The following IL20RB variants were observed in gnomAD, a reference collection of about 807,000 sequenced individuals.
IL20RB encodes interleukin 20 receptor subunit beta.
In IL20RB, 21 loss-of-function variants were observed where a neutral mutation model predicts 33.3. The observed-to-expected ratio is 0.63, with a 90% CI of 0.45 to 0.91. IL20RB has a LOEUF of 0.91. Among genes scored for constraint, IL20RB ranks in the 40% least tolerant of loss-of-function variants. The pLI is 0.00. For missense variants in IL20RB, 345 were observed against 384.8 expected (o/e 0.90, Z 0.86); for synonymous variants, 147 against 146.8 (o/e 1.00, Z -0.01).
intron 6 of IL20RB, among the ~76,000 whole-genome samples, chr3:136,998,889 C>T (rs1942186780): frequency 6.6e-6 from 1 of 151,970 alleles, no homozygotes; most frequent in Non-Finnish European, 1.5e-5. Context: ...AGAAAACATC[C>T]ATGATTTTTT....
chr3:136,980,685 A>G (rs1941749438), intron 2 of IL20RB, 93 bp downstream of exon 2: 2 of 1,326,842 alleles, frequency 1.5e-6, no homozygotes, highest in Non-Finnish European at 2.2e-6. Context: ...TGGCTTTTTG[A>G]GTCCAGGGAT....
intron 3 of IL20RB, among the ~76,000 whole-genome samples, chr3:136,988,022 G>A (rs922799187): frequency 3.3e-5 from 5 of 152,228 alleles, no homozygotes; most frequent in Non-Finnish European, 7.3e-5. Flanking sequence ...GGCCAGCCCA[G>A]AAAGGGGCTC....
At chr3:136,969,978 C>T (rs565350766) in intron 1 of IL20RB, among the ~76,000 whole-genome samples, 1 of 152,112 alleles carries the variant, frequency 6.6e-6, no homozygotes, top group Admixed American at 6.5e-5. Context: ...TTATATTTTA[C>T]ATTTTTTTGC....
intron 1 of IL20RB, among the ~76,000 whole-genome samples, chr3:136,958,951 C>CTGTG (rs62670460): frequency 4.6e-5 from 7 of 150,916 alleles, no homozygotes; most frequent in Non-Finnish European, 7.4e-5. Flanking sequence ...GTCTCACTCT[C>CTGTG]TGTGTGTGTG....
chr3:136,991,674 T>C (rs1240151960), intron 4 of IL20RB, among the ~76,000 whole-genome samples: 1 of 152,172 alleles, frequency 6.6e-6, no homozygotes, highest in Non-Finnish European at 1.5e-5. Context: ...AGTGGCACGA[T>C]CTCGGATCAC....
intron 2 of IL20RB, 143 bp downstream of exon 2, chr3:136,980,735 C>T (rs1941751445): frequency 2.6e-6 from 2 of 774,394 alleles, no homozygotes; most frequent in Admixed American, 2.7e-5. Flanking sequence ...TCTGCATAGG[C>T]ATTGAAAGAG....
At chr3:136,991,439 G>A (rs991471298) in intron 4 of IL20RB, among the ~76,000 whole-genome samples, 15 of 152,158 alleles carry the variant, frequency 9.9e-5, no homozygotes, top group Admixed American at 3.9e-4. Context: ...GCAGTGCCTA[G>A]CACATAGTAG....
chr3:136,998,581 CTT>C (rs1306662622), intron 6 of IL20RB, among the ~76,000 whole-genome samples: 3 of 151,286 alleles, frequency 2.0e-5, no homozygotes, highest in Non-Finnish European at 2.9e-5. Context: ...CTGAAAATGT[CTT>C]TATTTTGCTT....
chr3:136,986,147 A>G (rs998881182), intron 3 of IL20RB, among the ~76,000 whole-genome samples: 5 of 152,074 alleles, frequency 3.3e-5, no homozygotes, highest in Non-Finnish European at 5.9e-5. Flanking sequence ...TGGGAGGCGG[A>G]GCTTGCAGTG....
intron 3 of IL20RB, among the ~76,000 whole-genome samples, chr3:136,983,048 A>G (rs1181238059): frequency 6.6e-6 from 1 of 151,830 alleles, no homozygotes; most frequent in Admixed American, 6.6e-5. Flanking sequence ...CCAAGTCAGT[A>G]GAGGGTAGCC....
intron 1 of IL20RB, among the ~76,000 whole-genome samples, chr3:136,960,349 T>C (rs980430805): frequency 6.6e-6 from 1 of 152,034 alleles, no homozygotes; most frequent in African/African-American, 2.4e-5. Context: ...GGTTTCACCA[T>C]GTTGCCCAGG....
chr3:136,963,107 T>A (rs1941268811), intron 1 of IL20RB, among the ~76,000 whole-genome samples: 1 of 152,236 alleles, frequency 6.6e-6, no homozygotes, highest in Non-Finnish European at 1.5e-5. Flanking sequence ...ATCACTGGGC[T>A]AACATCAAGG....
intron 1 of IL20RB, chr3:136,958,981 T>A (rs1941122765): frequency 6.6e-6 from 1 of 152,000 alleles, no homozygotes. Context: ...TACACAGAAC[T>A]AATTTAATTA....
Position 136,991,970 on chromosome 3 carries a change from T to C in IL20RB, c.564T>C (p.Ile188=). ...TCAAAATGGTGAGGAGTGGGGGTATTCCAGTGCACCTAGAAACCATGGAGC... is the reference window on the plus strand; with the variant it reads ...TCAAAATGGTGAGGAGTGGGGGTATCCCAGTGCACCTAGAAACCATGGAGC... ...EHVKMVRSGG[I]PVHLETMEPG... Residue 188 remains isoleucine (I), a synonymous_variant, in exon 5 of 7, where the codon ATT becomes ATC. Transcript: ENST00000329582. The C allele has an allele frequency of 1.9e-6, 3 of 1,614,188 alleles. No individual in the cohort carries two copies. The East Asian group carries it at 6.7e-5, about 36-fold the overall frequency.
intron 1 of IL20RB, among the ~76,000 whole-genome samples, chr3:136,970,378 A>T (rs1206850651): frequency 6.6e-6 from 1 of 151,750 alleles, no homozygotes; most frequent in African/African-American, 2.4e-5. Context: ...TACAGGTGTG[A>T]GTTGCCATGC....
chr3:137,007,441 C>T (rs563514717), intron 6 of IL20RB, among the ~76,000 whole-genome samples: 6 of 152,260 alleles, frequency 3.9e-5, no homozygotes, highest in Non-Finnish European at 7.4e-5. Flanking sequence ...TGGTGGGCTC[C>T]GCCAAGTTCG....
In IL20RB at chr3:137,010,954, T is replaced by C. The variant is rs1408103938; in HGVS notation, c.*731T>C. On this transcript the variant is annotated 3_prime_UTR_variant, in exon 7 of 7. Transcript: ENST00000329582. ...TGCACACTGCAGACAGCAGGTGAAATGTATGTGTGCAATGCGACGAGAATG... is the reference window on the plus strand; with the variant it reads ...TGCACACTGCAGACAGCAGGTGAAACGTATGTGTGCAATGCGACGAGAATG... 6.6e-6 allele frequency: 1 copy of C among 152,106 alleles called. No homozygotes were observed. Among genetic ancestry groups the C allele is most frequent in the East Asian group, 1.9e-4 (1 of 5,184 alleles). 9.4% of individuals were successfully genotyped at this position (152,106 alleles called of 1,614,324 possible). A position where few individuals can be genotyped will look rare whatever the true frequency, so the allele number is the denominator to read the frequency against.
At chr3:136,992,768 T>A (rs1024454805) in intron 5 of IL20RB, among the ~76,000 whole-genome samples, 1 of 152,032 alleles carries the variant, frequency 6.6e-6, no homozygotes, top group Non-Finnish European at 1.5e-5. Flanking sequence ...TCTAAAAAAA[T>A]TTATTTTGTT....
At chr3:136,979,517 C>G (rs1941715616) in intron 1 of IL20RB, among the ~76,000 whole-genome samples, 1 of 152,174 alleles carries the variant, frequency 6.6e-6, no homozygotes, top group Non-Finnish European at 1.5e-5. Context: ...TCAGACTGTA[C>G]CTTTGGGTGA....
Sources: allele counts gnomAD v4.1 joint callset (sites outside exome capture counted in the v4.1 genomes callset), GRCh38; gene constraint gnomAD v4.1.1; transcripts MANE v1.5; gene names NCBI Gene and HGNC (gene_info 2026-07-23, HGNC 2026-07-21).